USP6NL: variants seen among roughly 807,000 people sequenced by gnomAD.
The protein encoded by USP6NL is USP6 N-terminal-like protein.
A neutral mutation model predicts 61.9 loss-of-function variants in USP6NL; 26 were observed. That is an observed-to-expected ratio of 0.42 (90% CI 0.31 to 0.58). The LOEUF is 0.58. Among genes scored for constraint, USP6NL ranks in the 20% least tolerant of loss-of-function variants. The pLI is 0.16. For synonymous variants in USP6NL, 432 were observed against 390.1 expected, an observed-to-expected ratio of 1.11 and a Z score of -1.27; for missense variants, 1,114 against 1,034.3, an observed-to-expected ratio of 1.08 and a Z score of -1.06.
intron 2 of USP6NL, chr10:11,565,715 T>C (rs1405649213): frequency 6.6e-6 from 1 of 151,254 alleles, no homozygotes; most frequent in African/African-American, 2.4e-5. Flanking sequence ...CAGCGTAGGG[T>C]AGCAAACTGC....
chr10:11,539,559 C>T (rs575153521), intron 2 of USP6NL, among the ~76,000 whole-genome samples: 23 of 152,238 alleles, frequency 1.5e-4, no homozygotes, highest in Non-Finnish European at 2.9e-4. Flanking sequence ...CTAGCTGTTG[C>T]ATATGAGTGC....
chr10:11,474,009 A>T lies in USP6NL; in HGVS notation c.1078+7761T>A, dbSNP rs966316401. On this transcript the variant is annotated intron_variant, in intron 14 of 14. Transcript: ENST00000609104. This position sits in a 1 kb window ranked among gnomAD's most constrained non-coding sequence, Gnocchi z 4.9. ...ATCTCGCAGGCACCACCTTCGAGAT[A>T]ATAAAGGCGGTGCCACCCGATGGAA... is the stretch of plus-strand genomic sequence containing the variant. Among the ~76,000 whole-genome samples the T allele has an allele frequency of 6.6e-6, 1 of 152,180 alleles. No homozygotes were observed. The highest frequency in any genetic ancestry group is 2.4e-5 in the African/African-American group (1 of 41,430).
At chr10:11,554,176 A>G (rs1836596120) in intron 2 of USP6NL, among the ~76,000 whole-genome samples, 1 of 152,230 alleles carries the variant, frequency 6.6e-6, no homozygotes, top group African/African-American at 2.4e-5. Context: ...CACAGAAGAA[A>G]GAGCAACGGT....
chr10:11,490,970 G>T lies in USP6NL; in HGVS notation c.495-90C>A. 1.8e-6 allele frequency: 2 copies of T among 1,123,322 alleles called. No homozygotes were observed. Among genetic ancestry groups the T allele is most frequent in the Non-Finnish European group, 2.5e-6 (2 of 802,534 alleles). 69.6% of individuals were successfully genotyped at this position (1,123,322 alleles called of 1,614,324 possible). A position where few individuals can be genotyped will look rare whatever the true frequency, so the allele number is the denominator to read the frequency against. On this transcript the variant is annotated intron_variant, in intron 8 of 14. Coordinates refer to ENST00000609104, the MANE Select transcript of USP6NL (RefSeq NM_014688.5). The surrounding 1 kb of genome is among the most constrained non-coding windows in gnomAD (Gnocchi z 4.5). The stretch of plus-strand genomic sequence containing the variant: ...TAAAAAAATAAACCAAAGACTGACT[G>T]AAAACAGATAATCCAGATAAAATTA...
chr10:11,493,147 T>C lies in USP6NL; in HGVS notation c.466A>G (p.Ile156Val). ...ACACCATATCTGTCTCTAAACATAA[T>C]GTGGTCCCGAAATGTGCGGTTGACA... ...LDVNRTFRDH[I>V]MFRDRYGVKQ... The change falls in exon 8 of 15, where the codon ATT becomes GTT. Residue 156 changes from isoleucine to valine, a missense_variant. Physicochemically the swap from Ile to Val is conservative, Grantham distance 29 (BLOSUM62 3). Transcript: ENST00000609104. The C allele has an allele frequency of 6.2e-7, 1 of 1,611,794 alleles. No homozygotes were observed. Among genetic ancestry groups the C allele is most frequent in the Non-Finnish European group, 8.5e-7 (1 of 1,178,876 alleles).
intron 7 of USP6NL, 84 bp downstream of exon 7, chr10:11,501,017 G>T: frequency 1.9e-6 from 2 of 1,061,694 alleles, no homozygotes; most frequent in South Asian, 2.2e-5. Context: ...GTGATCATAT[G>T]AATATCTTAT....
chr10:11,478,002 G>A lies in USP6NL; in HGVS notation c.1078+3768C>T, dbSNP rs1400199858. On this transcript the variant is annotated intron_variant, in intron 14 of 14. Transcript: ENST00000609104. The surrounding 1 kb of genome is among the most constrained non-coding windows in gnomAD (Gnocchi z 6.8). ...GGAAGAGGAAGAACTATTATTTGTT[G>A]AAGATAAGATTTTGTATCTTAAATC... is the stretch of plus-strand genomic sequence containing the variant. Among the ~76,000 whole-genome samples, 4 of 152,164 alleles carry A rather than the reference G, an allele frequency of 2.6e-5. No individual in the cohort carries two copies. Among genetic ancestry groups the A allele is most frequent in the Non-Finnish European group, 5.9e-5 (4 of 68,018 alleles).
chr10:11,485,591 T>C lies in USP6NL; in HGVS notation c.759+226A>G, dbSNP rs1462768665. 6.6e-6 allele frequency among the ~76,000 whole-genome samples: 1 copy of C among 152,216 alleles called. No individual in the cohort carries two copies. The highest frequency in any genetic ancestry group is 6.5e-5 in the Admixed American group (1 of 15,280). On this transcript the variant is annotated intron_variant, in intron 11 of 14. Transcript: ENST00000609104. This position sits in a 1 kb window ranked among gnomAD's most constrained non-coding sequence, Gnocchi z 4.8. ...TTAAATTATCACATTGTTTGTATCA[T>C]TAGCTTCAAAGAAGTTCAAATCCCT...
Position 11,490,241 on chromosome 10 carries a change from AG to A in USP6NL, c.543+590del, listed in dbSNP as rs771843970. ...GGTTCAAAGGTCCTCCCTGGGACCT[AG>A]TCAACAAGTATTCATTTAACACCCA... On this transcript the variant is annotated intron_variant, in intron 9 of 14. Coordinates refer to ENST00000609104, the MANE Select transcript of USP6NL (RefSeq NM_014688.5). The surrounding 1 kb of genome is among the most constrained non-coding windows in gnomAD (Gnocchi z 4.5). Among the ~76,000 whole-genome samples the A allele has an allele frequency of 2.0e-4, 31 of 152,364 alleles. No homozygotes were observed. The highest frequency in any genetic ancestry group is 3.4e-4 in the Non-Finnish European group (23 of 68,034).
At position 11,461,825 on chromosome 10, in the gene USP6NL, C is replaced by G. The variant is rs1171296142; in HGVS notation, c.*616G>C. On this transcript the variant is annotated 3_prime_UTR_variant, in exon 15 of 15. Coordinates refer to ENST00000609104, the MANE Select transcript of USP6NL (RefSeq NM_014688.5). ...GGAGAATGATGAGCATTCTGTGAGA[C>G]TGCAATTAATAAAGTCAGGACAAAC... 5 of 152,282 alleles carry G rather than the reference C, an allele frequency of 3.3e-5. No individual in the cohort carries two copies. In the South Asian group the frequency reaches 6.2e-4, roughly 19 times the overall value. The allele number at this position is 152,282 out of a possible 1,614,324, so 9.4% of individuals were successfully genotyped here. A position where few individuals can be genotyped will look rare whatever the true frequency, so the allele number is the denominator to read the frequency against.
Position 11,596,939 on chromosome 10 carries a change from T to C in USP6NL, c.4+692A>G, listed in dbSNP as rs1390210985. Among the ~76,000 whole-genome samples the C allele has an allele frequency of 6.6e-6, 1 of 152,156 alleles. No homozygotes were observed. The highest frequency in any genetic ancestry group is 1.5e-5 in the Non-Finnish European group (1 of 68,024). ...ATATCATCTTCCAATAAGAAAATGC[T>C]CATTGCATCCCAAAGATTCCATAAT... On this transcript the variant is annotated intron_variant, in intron 2 of 14. Coordinates refer to ENST00000609104, the MANE Select transcript of USP6NL (RefSeq NM_014688.5). This position sits in a 1 kb window ranked among gnomAD's most constrained non-coding sequence, Gnocchi z 4.1.
intron 5 of USP6NL, among the ~76,000 whole-genome samples, chr10:11,515,007 C>A (rs933824198): frequency 6.6e-6 from 1 of 152,124 alleles, no homozygotes; most frequent in African/African-American, 2.4e-5. Flanking sequence ...TGATATAATA[C>A]CCTATTGTCT....
rs1019823385 is a variant in USP6NL, at chr10:11,461,748, T to C, written c.*693A>G. ...TTAAGCACCATTAAGTGGTTAGCCT[T>C]TCTCTCCAATGTCTTTAATTTTCAG... On this transcript the variant is annotated 3_prime_UTR_variant, in exon 15 of 15. Coordinates refer to ENST00000609104, the MANE Select transcript of USP6NL (RefSeq NM_014688.5). 6.6e-6 allele frequency: 1 copy of C among 152,268 alleles called. No homozygotes were observed. Among genetic ancestry groups the C allele is most frequent in the African/African-American group, 2.4e-5 (1 of 41,464 alleles). 9.4% of individuals were successfully genotyped at this position (152,268 alleles called of 1,614,324 possible).
chr10:11,601,440 G>C (rs936852608), intron 1 of USP6NL, among the ~76,000 whole-genome samples: 1 of 152,194 alleles, frequency 6.6e-6, no homozygotes, highest in East Asian at 1.9e-4. Context: ...TGATCCAGGA[G>C]GGTACTGGGA....
chr10:11,533,897 G>A (rs939176181), intron 2 of USP6NL, among the ~76,000 whole-genome samples: 2 of 152,114 alleles, frequency 1.3e-5, no homozygotes, highest in African/African-American at 4.8e-5. Flanking sequence ...TGACAAAGAC[G>A]CTCCTTGACC....
At chr10:11,551,275 TCAA>T (rs910253158) in intron 2 of USP6NL, among the ~76,000 whole-genome samples, 7 of 152,120 alleles carry the variant, frequency 4.6e-5, no homozygotes, top group African/African-American at 1.7e-4. Flanking sequence ...GGAATACTAT[TCAA>T]CAACAAAAAG....
rs2096210272 is a variant in USP6NL at position 11,460,559 on chromosome 10, TAC to T, written c.*1880_*1881del. The T allele has an allele frequency of 6.9e-6, 1 of 145,870 alleles. No individual in the cohort carries two copies. The highest frequency in any genetic ancestry group is 2.1e-4 in the South Asian group (1 of 4,704). The allele number at this position is 145,870 out of a possible 1,614,324, so 9.0% of individuals were successfully genotyped here. The stretch of plus-strand genomic sequence containing the variant: ...AAAAAACAATCACATCAAAAAAGTA[TAC>T]AGATAAAAAATGTCATAAATGACAT... On this transcript the variant is annotated 3_prime_UTR_variant, in exon 15 of 15. Coordinates refer to ENST00000609104, the MANE Select transcript of USP6NL (RefSeq NM_014688.5).
rs1835869205 is a variant in USP6NL, at chr10:11,537,245, G to A, written c.5-9678C>T. ...TCAGCCTCCTGAGTCCTAAGTAGCT[G>A]GGACTACAGGCGCATGCTACCCTGT... On this transcript the variant is annotated intron_variant, in intron 2 of 14. Coordinates refer to ENST00000609104, the MANE Select transcript of USP6NL (RefSeq NM_014688.5). The surrounding 1 kb of genome is among the most constrained non-coding windows in gnomAD (Gnocchi z 5.1). 6.6e-6 allele frequency among the ~76,000 whole-genome samples: 1 copy of A among 152,060 alleles called. No homozygotes were observed.
At chr10:11,507,579 A>C (rs980259614) in intron 6 of USP6NL, among the ~76,000 whole-genome samples, 9 of 152,228 alleles carry the variant, frequency 5.9e-5, no homozygotes, top group Admixed American at 5.2e-4. Flanking sequence ...TGTCAAAAAG[A>C]TTCCCATGGT....
Sources: allele counts gnomAD v4.1 joint callset (sites outside exome capture counted in the v4.1 genomes callset), GRCh38; gene constraint gnomAD v4.1.1; non-coding constraint Gnocchi (gnomAD v3.1); transcripts MANE v1.5; gene names NCBI Gene and HGNC (gene_info 2026-07-23, HGNC 2026-07-21).